GMDS: variants seen among roughly 807,000 people sequenced by gnomAD.
GMDS encodes GDP-mannose 4,6 dehydratase.
GMDS carries 20 observed loss-of-function variants against 49.9 expected under a neutral mutation model. The observed-to-expected ratio is 0.40, with a 90% CI of 0.28 to 0.58. The LOEUF is 0.58. Ranked by LOEUF, GMDS falls within the 20% of genes least tolerant of loss-of-function variation. The pLI, the probability that GMDS is intolerant of heterozygous loss-of-function variation, is 0.42. For missense variants in GMDS, 362 were observed against 481.4 expected, an observed-to-expected ratio of 0.75 and a Z score of 2.32; for synonymous variants, 177 against 178.6, an observed-to-expected ratio of 0.99 and a Z score of 0.07.
intron 9 of GMDS, among the ~76,000 whole-genome samples, chr6:1,660,350 T>A (rs916885233): frequency 6.6e-6 from 1 of 152,022 alleles, no homozygotes; most frequent in African/African-American, 2.4e-5. Context: ...TTCACACAAA[T>A]CTTGAAGAGT....
At chr6:1,689,057 G>A (rs1328606879) in intron 9 of GMDS, among the ~76,000 whole-genome samples, 2 of 152,088 alleles carry the variant, frequency 1.3e-5, no homozygotes, top group Non-Finnish European at 2.9e-5. Context: ...GATAACCTTT[G>A]GGCCATAATA....
chr6:1,845,575 T>C (rs1474241214), intron 7 of GMDS, among the ~76,000 whole-genome samples: 3 of 152,196 alleles, frequency 2.0e-5, no homozygotes, highest in Non-Finnish European at 1.5e-5. Context: ...ACCCTTCCTC[T>C]GAATGCTGTA....
At chr6:2,122,227 G>C (rs1300452142) in intron 2 of GMDS, among the ~76,000 whole-genome samples, 1 of 152,130 alleles carries the variant, frequency 6.6e-6, no homozygotes, top group African/African-American at 2.4e-5. Flanking sequence ...TAGTTGTGGT[G>C]GTTTCTCTAT....
At chr6:1,641,603 G>A (rs556314544) in intron 9 of GMDS, among the ~76,000 whole-genome samples, 125 of 152,312 alleles carry the variant, frequency 8.2e-4, no homozygotes, top group Admixed American at 2.9e-3. Flanking sequence ...AGAAGGTCCC[G>A]TGGAGAGGCC....
At chr6:2,177,571 A>G (rs1778340793) in intron 1 of GMDS, among the ~76,000 whole-genome samples, 1 of 152,210 alleles carries the variant, frequency 6.6e-6, no homozygotes, top group Admixed American at 6.5e-5. Context: ...TTCACCACAT[A>G]AAGAGAATTA....
At chr6:1,653,973 A>G (rs1028836512) in intron 9 of GMDS, among the ~76,000 whole-genome samples, 1 of 152,148 alleles carries the variant, frequency 6.6e-6, no homozygotes, top group Non-Finnish European at 1.5e-5. Context: ...AACAACAACA[A>G]CAACAAAAGA....
chr6:1,870,771 A>C (rs1758695298), intron 7 of GMDS, among the ~76,000 whole-genome samples: 1 of 152,242 alleles, frequency 6.6e-6, no homozygotes, highest in African/African-American at 2.4e-5. Context: ...AACACACACT[A>C]TTAAATTAAG....
intron 4 of GMDS, among the ~76,000 whole-genome samples, chr6:1,972,937 A>C (rs1323830811): frequency 6.6e-6 from 1 of 152,222 alleles, no homozygotes; most frequent in Non-Finnish European, 1.5e-5. Context: ...TATTCTGAGA[A>C]TATCCATACA....
At chr6:2,068,107 C>G (rs1442070829) in intron 4 of GMDS, among the ~76,000 whole-genome samples, 1 of 147,930 alleles carries the variant, frequency 6.8e-6, no homozygotes, top group Non-Finnish European at 1.5e-5. Context: ...AAGGCTGGTT[C>G]AATATACACA....
At chr6:1,696,049 C>T (rs1221674916) in intron 9 of GMDS, among the ~76,000 whole-genome samples, 1 of 151,502 alleles carries the variant, frequency 6.6e-6, no homozygotes, top group Admixed American at 6.6e-5. Flanking sequence ...TCAACTCACA[C>T]ATAGAGAAAG....
chr6:1,786,957 C>T (rs920000849), intron 7 of GMDS, among the ~76,000 whole-genome samples: 1 of 152,166 alleles, frequency 6.6e-6, no homozygotes, highest in African/African-American at 2.4e-5. Flanking sequence ...CCTACAGCCT[C>T]GCGCCACTCT....
chr6:1,661,393 C>T (rs1764068765), intron 9 of GMDS, among the ~76,000 whole-genome samples: 1 of 152,172 alleles, frequency 6.6e-6, no homozygotes, highest in Non-Finnish European at 1.5e-5. Flanking sequence ...CTTCAAAGCT[C>T]ACTACAAACA....
chr6:1,818,664 G>A (rs1281863034), intron 7 of GMDS, among the ~76,000 whole-genome samples: 1 of 150,722 alleles, frequency 6.6e-6, no homozygotes, highest in Non-Finnish European at 1.5e-5. Context: ...CTATCTGGTG[G>A]GAAAAACACT....
chr6:1,759,829 TTGA>T (rs1471099087), intron 7 of GMDS, among the ~76,000 whole-genome samples: 2 of 152,212 alleles, frequency 1.3e-5, no homozygotes, highest in Non-Finnish European at 2.9e-5. Flanking sequence ...CACACTGCTC[TTGA>T]TGAAGGAGTG....
rs116070339 is a variant in GMDS, at chr6:2,064,626, G to A, written c.345+51145C>T. ...TACCCATGCCCCTTCATCCCACTCTGGCCAAGTCACCCAGGCTCTTGCAGC... is the reference window on the plus strand; with the variant it reads ...TACCCATGCCCCTTCATCCCACTCTAGCCAAGTCACCCAGGCTCTTGCAGC... On this transcript the variant is annotated intron_variant, in intron 4 of 10. Coordinates refer to ENST00000380815, the MANE Select transcript of GMDS (RefSeq NM_001500.4). Among the ~76,000 whole-genome samples, 727 of 152,214 alleles carry A rather than the reference G, an allele frequency of 4.8e-3. 1 individual carries two copies. Among genetic ancestry groups the A allele is most frequent in the Middle Eastern group, 0.01 (3 of 294 alleles).
chr6:1,724,157 T>C (rs1766489840), intron 9 of GMDS, among the ~76,000 whole-genome samples: 1 of 152,164 alleles, frequency 6.6e-6, no homozygotes, highest in Non-Finnish European at 1.5e-5. Context: ...CTTAGAAAGA[T>C]AAAACGTAGT....
At chr6:1,776,734 G>C (rs993428213) in intron 7 of GMDS, among the ~76,000 whole-genome samples, 1 of 152,118 alleles carries the variant, frequency 6.6e-6, no homozygotes, top group African/African-American at 2.4e-5. Flanking sequence ...TGGACTGTTA[G>C]GCTCTGTTTC....
At chr6:2,053,433 C>G (rs567415429) in intron 4 of GMDS, among the ~76,000 whole-genome samples, 1 of 152,150 alleles carries the variant, frequency 6.6e-6, no homozygotes, top group South Asian at 2.1e-4. Context: ...GGCATATACA[C>G]AATGCAGCCT....
At chr6:1,771,267 C>T (rs1027571282) in intron 7 of GMDS, among the ~76,000 whole-genome samples, 1 of 152,158 alleles carries the variant, frequency 6.6e-6, no homozygotes, top group Non-Finnish European at 1.5e-5. Context: ...CTGGGGGTTT[C>T]TTTGTCTTCT....
Sources: gnomAD v4.1 joint callset for allele counts (sites outside exome capture counted in the v4.1 genomes callset) on GRCh38, gnomAD v4.1.1 for gene constraint, MANE v1.5 for transcripts, NCBI Gene and HGNC (gene_info 2026-07-23, HGNC 2026-07-21) for gene names.